The following KAZN variants were observed in gnomAD, a reference collection of about 807,000 sequenced individuals.
KAZN encodes the protein kazrin.
Under a neutral mutation model 87.4 loss-of-function variants are expected in KAZN, and 40 were observed. That is an observed-to-expected ratio of 0.46 (90% confidence interval 0.36 to 0.60). The LOEUF is 0.60. KAZN is among the 20% of genes least tolerant of loss of function. The pLI is 0.00. For synonymous variants in KAZN, 466 were observed against 458.3 expected (o/e 1.02, Z -0.22); for missense variants, 898 against 1,073.9 (o/e 0.84, Z 2.29).
chr1:14,139,927 A>ATGTG (rs541192220), intron 1 of KAZN, among the ~76,000 whole-genome samples: 5 of 136,608 alleles, frequency 3.7e-5, no homozygotes, highest in South Asian at 4.4e-4. Context: ...TTTGAGGTAA[A>ATGTG]TGTGTGTGTG....
At chr1:14,305,520 A>G (rs1654857409) in intron 2 of KAZN, among the ~76,000 whole-genome samples, 1 of 152,146 alleles carries the variant, frequency 6.6e-6, no homozygotes, top group Admixed American at 6.5e-5. Context: ...ACCAAAATAC[A>G]GGATGCATCA....
chr1:14,638,581 A>AAAAAAAAAAC (rs1553201088), intron 1 of KAZN, among the ~76,000 whole-genome samples: 54 of 39,642 alleles, frequency 1.4e-3, no homozygotes, highest in African/African-American at 4.8e-3. Context: ...AAAAAAAACA[A>AAAAAAAAAAC]AAAAAAAAAA....
intron 1 of KAZN, among the ~76,000 whole-genome samples, chr1:14,782,570 A>G (rs1055917416): frequency 2.0e-5 from 3 of 151,070 alleles, no homozygotes; most frequent in Non-Finnish European, 3.0e-5. Flanking sequence ...AAAAAAAAAA[A>G]AAAAAAAAGA....
chr1:14,000,795 G>GT lies in KAZN; in HGVS notation c.91+107044dup, dbSNP rs1259868871. 4.0e-5 allele frequency among the ~76,000 whole-genome samples: 6 copies of GT among 151,052 alleles called. No individual in the cohort carries two copies. In the South Asian group the frequency reaches 6.3e-4, roughly 16 times the overall value. ...GCAGATGACATGATTTTTTTTGTTT[G>GT]TTTTTGAGACGGAGTCTCGCTCTGT... On this transcript the variant is annotated intron_variant, in intron 1 of 16. Transcript: ENST00000636203.
At chr1:15,012,083 G>A (rs747137453) in intron 2 of KAZN, among the ~76,000 whole-genome samples, 1 of 152,150 alleles carries the variant, frequency 6.6e-6, no homozygotes, top group Non-Finnish European at 1.5e-5. Context: ...CTTGCATGTG[G>A]AGTAGCCTGT....
chr1:14,610,045 T>G (rs1677692331), intron 1 of KAZN, among the ~76,000 whole-genome samples: 1 of 152,224 alleles, frequency 6.6e-6, no homozygotes, highest in South Asian at 2.1e-4. Context: ...ACTTCAAGAC[T>G]GTGCCCTCAT....
At chr1:14,052,089 C>T (rs560807660) in intron 1 of KAZN, among the ~76,000 whole-genome samples, 13 of 152,264 alleles carry the variant, frequency 8.5e-5, no homozygotes, top group Admixed American at 8.5e-4. Flanking sequence ...GAATACGCTC[C>T]TTGATTCAGG....
intron 2 of KAZN, among the ~76,000 whole-genome samples, chr1:14,263,148 T>A (rs933302714): frequency 1.3e-5 from 2 of 152,192 alleles, no homozygotes; most frequent in African/African-American, 2.4e-5. Flanking sequence ...TTTTTGAAGA[T>A]GCCTAGAGCT....
At chr1:14,752,235 A>G (rs868508799) in intron 1 of KAZN, among the ~76,000 whole-genome samples, 1 of 152,204 alleles carries the variant, frequency 6.6e-6, no homozygotes, top group East Asian at 1.9e-4. Flanking sequence ...TAGGGATCCA[A>G]CTTTAACATG....
At chr1:14,945,231 A>C (rs1328965838) in intron 1 of KAZN, among the ~76,000 whole-genome samples, 6 of 152,224 alleles carry the variant, frequency 3.9e-5, no homozygotes, top group Admixed American at 1.3e-4. Flanking sequence ...CCAGTGCTGG[A>C]GGCTGAGTTG....
At chr1:14,629,214 A>G (rs1471739456) in intron 1 of KAZN, among the ~76,000 whole-genome samples, 1 of 152,166 alleles carries the variant, frequency 6.6e-6, no homozygotes, top group Non-Finnish European at 1.5e-5. Flanking sequence ...TCTTATGGAT[A>G]ACGAGTAGTC....
chr1:13,936,096 G>GTTTTTT (rs70984301), intron 1 of KAZN, among the ~76,000 whole-genome samples: 3 of 84,840 alleles, frequency 3.5e-5, no homozygotes, highest in Admixed American at 3.4e-4. Flanking sequence ...TACAAGTGCA[G>GTTTTTT]TTTTTTTTTT....
intron 1 of KAZN, among the ~76,000 whole-genome samples, chr1:14,632,916 CT>C (rs1169250187): frequency 2.7e-5 from 4 of 150,676 alleles, no homozygotes; most frequent in Non-Finnish European, 5.9e-5. Context: ...ACAAAATGCA[CT>C]TTATTTATTT....
chr1:14,716,810 C>G (rs1038983826), intron 1 of KAZN, among the ~76,000 whole-genome samples: 1 of 152,130 alleles, frequency 6.6e-6, no homozygotes, highest in African/African-American at 2.4e-5. Context: ...CTCTAGCCAC[C>G]ACAGTTACTG....
At chr1:14,669,284 C>T (rs1274649343) in intron 1 of KAZN, among the ~76,000 whole-genome samples, 1 of 152,130 alleles carries the variant, frequency 6.6e-6, no homozygotes, top group Non-Finnish European at 1.5e-5. Context: ...TGGCTGAGTG[C>T]TCTGGGTTGC....
chr1:14,871,371 C>T (rs1226865991), intron 1 of KAZN, among the ~76,000 whole-genome samples: 2 of 152,088 alleles, frequency 1.3e-5, no homozygotes, highest in Non-Finnish European at 2.9e-5. Flanking sequence ...GCTCTGGTTT[C>T]CTTTTGCATA....
At chr1:14,040,823 A>AT (rs1641809842) in intron 1 of KAZN, among the ~76,000 whole-genome samples, 3 of 151,782 alleles carry the variant, frequency 2.0e-5, no homozygotes, top group Admixed American at 6.5e-5. Flanking sequence ...ATAAAATAGA[A>AT]AAGAAAGCTT....
intron 8 of KAZN, among the ~76,000 whole-genome samples, chr1:15,080,821 G>A (rs1191030009): frequency 6.6e-6 from 1 of 152,206 alleles, no homozygotes; most frequent in Non-Finnish European, 1.5e-5. Context: ...GTAGAAGGGA[G>A]TAGGACCCTC....
intron 1 of KAZN, among the ~76,000 whole-genome samples, chr1:14,634,536 A>C (rs1679819717): frequency 6.6e-6 from 1 of 152,208 alleles, no homozygotes; most frequent in Non-Finnish European, 1.5e-5. Flanking sequence ...ATAACAATAC[A>C]ATAGCATGGA....
Sources: gnomAD v4.1 joint callset for allele counts (sites outside exome capture counted in the v4.1 genomes callset) on GRCh38, gnomAD v4.1.1 for gene constraint, MANE v1.5 for transcripts, NCBI Gene and HGNC (gene_info 2026-07-23, HGNC 2026-07-21) for gene names.